SEMA4D: variants seen among roughly 807,000 people sequenced by gnomAD.
SEMA4D encodes the protein semaphorin-4D.
A neutral mutation model predicts 74.8 loss-of-function variants in SEMA4D; 22 were observed. That is an observed-to-expected ratio of 0.29 (90% confidence interval 0.21 to 0.42). The LOEUF is 0.42. Among genes scored for constraint, SEMA4D ranks in the 10% least tolerant of loss-of-function variants. The pLI is 1.00. For synonymous variants in SEMA4D, 445 were observed against 463.7 expected, an observed-to-expected ratio of 0.96 and a Z score of 0.52; for missense variants, 937 against 1,118.4, an observed-to-expected ratio of 0.84 and a Z score of 2.31.
intron 1 of SEMA4D, among the ~76,000 whole-genome samples, chr9:89,478,396 GGAA>G (rs1375478932): frequency 1.3e-5 from 2 of 152,124 alleles, no homozygotes; most frequent in African/African-American, 4.8e-5. Context: ...CACACAAGAG[GGAA>G]GAAGCAGGAC....
In SEMA4D at chr9:89,402,851, C is replaced by G; in HGVS notation, c.252+20G>C. ...ACTCAAGCTGGGCTATGTGGACATG[C>G]AGGGGAGCCCAGGACGTACCTCATG... On this transcript the variant is annotated intron_variant, in intron 4 of 15. Coordinates refer to ENST00000422704, the MANE Select transcript of SEMA4D (RefSeq NM_001371194.2). 1 of 1,607,318 alleles carries G rather than the reference C, an allele frequency of 6.2e-7. No homozygotes were observed. The highest frequency in any genetic ancestry group is 1.7e-5 in the Admixed American group (1 of 59,888).
At chr9:89,439,641 T>C (rs942836235) in intron 2 of SEMA4D, among the ~76,000 whole-genome samples, 9 of 152,246 alleles carry the variant, frequency 5.9e-5, no homozygotes, top group Non-Finnish European at 4.4e-5. Context: ...GTGCAGCATT[T>C]ATTCCATTTC....
intron 9 of SEMA4D, among the ~76,000 whole-genome samples, 175 bp from the exon 10 acceptor site, chr9:89,389,222 G>A (rs57909602): frequency 0.21 from 32,491 of 152,148 alleles, 4,138 homozygotes; most frequent in African/African-American, 0.34. Context: ...GCAGCACCAC[G>A]TCCAGGTTCC....
intron 2 of SEMA4D, among the ~76,000 whole-genome samples, chr9:89,453,844 G>C (rs7030690): frequency 0.98 from 147,428 of 150,694 alleles, 72,224 homozygotes; most frequent in Non-Finnish European, 1. Context: ...AACCCAAGTT[G>C]TAGAATATAT....
chr9:89,376,695 A>G, downstream of SEMA4D: 1 of 1,287,966 alleles, frequency 7.8e-7, no homozygotes, highest in Admixed American at 2.8e-5. Context: ...GAAACGGCTC[A>G]ACCCGAGGGA....
At chr9:89,383,816 A>G (rs1323392937) in intron 13 of SEMA4D, among the ~76,000 whole-genome samples, 1 of 152,196 alleles carries the variant, frequency 6.6e-6, no homozygotes, top group Non-Finnish European at 1.5e-5. Context: ...ACCTGGCAGC[A>G]TGAGTGAGGC....
intron 1 of SEMA4D, among the ~76,000 whole-genome samples, chr9:89,461,696 T>TTC (rs148655839): frequency 0.18 from 18,401 of 100,816 alleles, 2,082 homozygotes; most frequent in Non-Finnish European, 0.25. Context: ...TATTTCTTTT[T>TTC]TCTCTTTTTT....
At position 89,381,092 on chromosome 9, in the gene SEMA4D, C is replaced by T; in HGVS notation, c.1626G>A (p.Leu542=). ...LHQTESPSRG[L]IQEMSGDASV... is the part of the protein sequence containing the mutation. The stretch of plus-strand genomic sequence containing the variant: ...AAGCATCGCCGCTCATCTCCTGAAT[C>T]AAACCCCTGCAAAACAACCGGCACG... The change falls in exon 15 of 16, where the codon TTG becomes TTA. Residue 542 remains leucine, a synonymous_variant. Transcript: ENST00000422704. The surrounding 1 kb of genome is among the most constrained non-coding windows in gnomAD (Gnocchi z 4.6). The T allele has an allele frequency of 6.2e-7, 1 of 1,614,126 alleles. No individual in the cohort carries two copies. The highest frequency in any genetic ancestry group is 1.1e-5 in the South Asian group (1 of 91,080).
intron 2 of SEMA4D, among the ~76,000 whole-genome samples, chr9:89,452,609 G>A (rs931095243): frequency 3.9e-5 from 6 of 152,050 alleles, no homozygotes; most frequent in Non-Finnish European, 7.4e-5. Flanking sequence ...GAGCCACCAC[G>A]CCCGGCTAAT....
chr9:89,454,002 C>T (rs1187847059), intron 2 of SEMA4D, among the ~76,000 whole-genome samples: 3 of 152,022 alleles, frequency 2.0e-5, no homozygotes, highest in East Asian at 1.9e-4. Flanking sequence ...GGACTACAGG[C>T]GCCCGCCACC....
intron 1 of SEMA4D, among the ~76,000 whole-genome samples, chr9:89,467,840 T>G (rs972151537): frequency 1.3e-5 from 2 of 152,112 alleles, no homozygotes; most frequent in Admixed American, 1.3e-4. Flanking sequence ...TCATGATTCT[T>G]ATAAATTGCT....
rs1161234178 is a variant in SEMA4D, at chr9:89,460,199, GT to G, written c.-309-4247del. On this transcript the variant is annotated intron_variant, in intron 1 of 15. Transcript: ENST00000422704. ...TTCTGTCCTTCTCCAGGCCCCTTGGGTCCCACAGAGCCAGTGCAGCCCCTCC... is the reference window on the plus strand; with the variant it reads ...TTCTGTCCTTCTCCAGGCCCCTTGGGCCCACAGAGCCAGTGCAGCCCCTCC... Among the ~76,000 whole-genome samples the G allele has an allele frequency of 2.1e-3, 320 of 152,278 alleles. 1 individual carries two copies. Among genetic ancestry groups the G allele is most frequent in the African/African-American group, 6.8e-3 (281 of 41,546 alleles).
rs184681240 is a variant in SEMA4D, at chr9:89,383,951, G to A, written c.1446+2416C>T. 4.7e-3 allele frequency among the ~76,000 whole-genome samples: 718 copies of A among 152,198 alleles called. 3 individuals are homozygous for A. The highest frequency in any genetic ancestry group is 0.016 in the African/African-American group (677 of 41,512). Reference sequence around the variant, plus strand: ...TGCTCCCATCTCTGTCTCTGCTGCTGTGTGTGCGCGTCAGACCCCGAGGGC... The same window carrying A: ...TGCTCCCATCTCTGTCTCTGCTGCTATGTGTGCGCGTCAGACCCCGAGGGC... On this transcript the variant is annotated intron_variant, in intron 13 of 15. Transcript: ENST00000422704.
In SEMA4D at chr9:89,402,984, T is replaced by C. The variant is rs1219273805; in HGVS notation, c.139A>G (p.Ile47Val). 3 of 1,612,638 alleles carry C rather than the reference T, an allele frequency of 1.9e-6. No individual in the cohort carries two copies. The highest frequency in any genetic ancestry group is 2.5e-6 in the Non-Finnish European group (3 of 1,178,648). Reference sequence around the variant, plus strand: ...AGCAGCAAGGCTGAGTAGTTGTAGATGTCTGGCTCATGAAACTGCACCAGG... The same window carrying C: ...AGCAGCAAGGCTGAGTAGTTGTAGACGTCTGGCTCATGAAACTGCACCAGG... Reference protein sequence around the residue: ...VHLVQFHEPDIYNYSALLLSE... With the variant: ...VHLVQFHEPDVYNYSALLLSE... Residue 47 changes from isoleucine to valine, a missense_variant, in exon 4 of 16, where the codon ATC becomes GTC. Coordinates refer to ENST00000422704, the MANE Select transcript of SEMA4D (RefSeq NM_001371194.2).
chr9:89,421,800 C>T lies in SEMA4D; in HGVS notation c.-243-16101G>A, dbSNP rs200139566. Among the ~76,000 whole-genome samples the T allele has an allele frequency of 7.3e-3, 1,089 of 149,964 alleles. 6 individuals are homozygous for T. Among genetic ancestry groups the T allele is most frequent in the Non-Finnish European group, 0.013 (848 of 67,258 alleles). ...CACATGGTGTGTGACCGTGTGTGTG[C>T]GTGTGTGTGTGTGTGTGGGTGTGCA... is the stretch of plus-strand genomic sequence containing the variant. On this transcript the variant is annotated intron_variant, in intron 2 of 15. Coordinates refer to ENST00000422704, the MANE Select transcript of SEMA4D (RefSeq NM_001371194.2).
chr9:89,427,975 A>G (rs571388692), intron 2 of SEMA4D, among the ~76,000 whole-genome samples: 1 of 152,158 alleles, frequency 6.6e-6, no homozygotes, highest in South Asian at 2.1e-4. Context: ...TCCCCTAGGG[A>G]TGCACTCACC....
intron 1 of SEMA4D, among the ~76,000 whole-genome samples, chr9:89,490,354 G>T (rs1825531489): frequency 6.6e-6 from 1 of 152,184 alleles, no homozygotes; most frequent in Non-Finnish European, 1.5e-5. Context: ...CAGAGTGAAA[G>T]GAGCTAGACA....
intron 4 of SEMA4D, among the ~76,000 whole-genome samples, chr9:89,400,005 TCAAAA>T (rs1205067425): frequency 9.3e-5 from 1 of 10,758 alleles, no homozygotes; most frequent in African/African-American, 2.9e-4. Context: ...AGACTCCGTC[TCAAAA>T]AAAAAAAAAA....
intron 16 of SEMA4D, among the ~76,000 whole-genome samples, chr9:89,371,455 TGGG>T (rs1834758692): frequency 1.7e-5 from 1 of 57,192 alleles, no homozygotes; most frequent in East Asian, 5.1e-4. Context: ...GGTGTGTGTC[TGGG>T]GTGTGTGTGT....
Sources: gnomAD v4.1 joint callset for allele counts (sites outside exome capture counted in the v4.1 genomes callset) on GRCh38, gnomAD v4.1.1 for gene constraint, Gnocchi (gnomAD v3.1) non-coding constraint, MANE v1.5 for transcripts, NCBI Gene and HGNC (gene_info 2026-07-23, HGNC 2026-07-21) for gene names.